Variants in RPTOR observed in about 807,000 individuals in gnomAD.
RPTOR encodes regulatory associated protein of MTOR complex 1.
In RPTOR, 21 loss-of-function variants were observed where a neutral mutation model predicts 169.9. The observed-to-expected ratio is 0.12, with a 90% CI of 0.09 to 0.18. The LOEUF (loss-of-function observed/expected upper bound fraction) is 0.18. RPTOR is among the 10% of genes least tolerant of loss of function. RPTOR has a pLI of 1.00. For synonymous variants in RPTOR, 732 were observed against 753.2 expected (o/e 0.97, Z 0.46); for missense variants, 1,133 against 1,855.9 (o/e 0.61, Z 7.16).
chr17:80,848,317 T>C (rs903014386), intron 11 of RPTOR, among the ~76,000 whole-genome samples: 3 of 152,218 alleles, frequency 2.0e-5, no homozygotes, highest in Non-Finnish European at 2.9e-5. Flanking sequence ...TTTCACAGTA[T>C]ATATTTCTGC....
intron 25 of RPTOR, among the ~76,000 whole-genome samples, chr17:80,943,850 C>G (rs959568819): frequency 8.5e-5 from 13 of 152,230 alleles, no homozygotes; most frequent in Non-Finnish European, 5.9e-5. Flanking sequence ...CGGTGTCTCT[C>G]TGCACCACCT....
chr17:80,862,170 C>G (rs918168774), intron 13 of RPTOR, among the ~76,000 whole-genome samples: 3 of 152,136 alleles, frequency 2.0e-5, no homozygotes, highest in African/African-American at 7.2e-5. Context: ...CATGCCCTTG[C>G]CTGCAGTGTT....
At chr17:80,792,697 G>A (rs2067061059) in intron 7 of RPTOR, among the ~76,000 whole-genome samples, 1 of 152,060 alleles carries the variant, frequency 6.6e-6, no homozygotes, top group Non-Finnish European at 1.5e-5. Context: ...AAAAAAAAAT[G>A]GGACTAGATG....
chr17:80,681,678 GCTTCATGAGGTGTACGTCTCTTACAC>G (rs1425034528), intron 3 of RPTOR, among the ~76,000 whole-genome samples: 1 of 18,842 alleles, frequency 5.3e-5, no homozygotes, highest in East Asian at 1.1e-3. Flanking sequence ...GTCTCTTACA[GCTTCATGAGGTGTACGTCTCTTACAC>G]CTTCATGAGG....
intron 21 of RPTOR, among the ~76,000 whole-genome samples, chr17:80,911,230 G>A (rs768195561): frequency 1.8e-4 from 27 of 152,232 alleles, no homozygotes; most frequent in Middle Eastern, 3.4e-3. Context: ...CTCCTGCAGC[G>A]GACTCTGCCA....
At chr17:80,749,805 T>G (rs2066613996) in intron 5 of RPTOR, among the ~76,000 whole-genome samples, 1 of 152,196 alleles carries the variant, frequency 6.6e-6, no homozygotes, top group Non-Finnish European at 1.5e-5. Context: ...CTTGAACTCC[T>G]GAGCCCAAGG....
intron 1 of RPTOR, among the ~76,000 whole-genome samples, chr17:80,616,375 C>T (rs1401006997): frequency 6.9e-6 from 1 of 145,946 alleles, no homozygotes; most frequent in Non-Finnish European, 1.5e-5. Context: ...GATCTCAGCC[C>T]ACTGCAACCT....
intron 11 of RPTOR, among the ~76,000 whole-genome samples, chr17:80,849,277 C>A (rs1031877833): frequency 1.3e-5 from 2 of 152,190 alleles, no homozygotes; most frequent in Non-Finnish European, 1.5e-5. Context: ...TTCCGGTTTT[C>A]CGAATCCCTG....
At chr17:80,608,576 G>A (rs909002837) in intron 1 of RPTOR, among the ~76,000 whole-genome samples, 1 of 152,198 alleles carries the variant, frequency 6.6e-6, no homozygotes, top group Non-Finnish European at 1.5e-5. Context: ...GAGGTTAACG[G>A]ACGTGACTGA....
intron 5 of RPTOR, among the ~76,000 whole-genome samples, chr17:80,731,148 G>A (rs558438851): frequency 4.7e-4 from 71 of 152,246 alleles, no homozygotes; most frequent in South Asian, 1.0e-3. Context: ...AAAGTTCTGG[G>A]ATTACAGGCT....
chr17:80,625,636 CAT>C, intron 1 of RPTOR, 53 bp from the exon 2 acceptor site: 2 of 1,344,102 alleles, frequency 1.5e-6, no homozygotes, highest in South Asian at 1.2e-5. Context: ...TGGAAAAACA[CAT>C]AAACGAGTTC....
chr17:80,801,920 C>T (rs917190449), intron 7 of RPTOR: 6 of 152,216 alleles, frequency 3.9e-5, no homozygotes, highest in African/African-American at 1.4e-4. Flanking sequence ...CGCCAGGGCG[C>T]ACGGTGCTGC....
intron 5 of RPTOR, among the ~76,000 whole-genome samples, chr17:80,753,291 C>T (rs964711344): frequency 1.3e-5 from 2 of 152,188 alleles, no homozygotes; most frequent in African/African-American, 4.8e-5. Context: ...ATAACCTGAA[C>T]GTCTTCCCAT....
chr17:80,798,830 C>T (rs1355881708), intron 7 of RPTOR, among the ~76,000 whole-genome samples: 5 of 152,182 alleles, frequency 3.3e-5, no homozygotes, highest in African/African-American at 4.8e-5. Flanking sequence ...AACGTTTGTG[C>T]ATTATTGGCA....
intron 7 of RPTOR, among the ~76,000 whole-genome samples, chr17:80,793,150 C>T (rs2143501516): frequency 6.6e-6 from 1 of 152,308 alleles, no homozygotes; most frequent in South Asian, 2.1e-4. Context: ...TGATGTGCTA[C>T]TCAGAAACAA....
chr17:80,643,706 C>T (rs1405810633), intron 2 of RPTOR, 22 bp from the exon 3 acceptor site: 3 of 1,597,272 alleles, frequency 1.9e-6, no homozygotes, highest in South Asian at 1.1e-5. Flanking sequence ...AAAGAACTTT[C>T]TCTTTTCCAT....
chr17:80,885,300 T>G, intron 17 of RPTOR, 152 bp downstream of exon 17: 1 of 1,041,908 alleles, frequency 9.6e-7, no homozygotes, highest in Non-Finnish European at 1.3e-6. Flanking sequence ...TTTCATTCTC[T>G]TCAAGTTGCG....
At chr17:80,795,560 T>C (rs1488785396) in intron 7 of RPTOR, among the ~76,000 whole-genome samples, 2 of 151,370 alleles carry the variant, frequency 1.3e-5, no homozygotes, top group East Asian at 2.0e-4. Context: ...ATGCTAAAGG[T>C]TTATTTTTTT....
chr17:80,880,870 G>A (rs2068179499), intron 14 of RPTOR, among the ~76,000 whole-genome samples: 1 of 152,146 alleles, frequency 6.6e-6, no homozygotes, highest in South Asian at 2.1e-4. Context: ...CGCCTGGGAA[G>A]GTCTTGGAGC....
Sources: allele counts gnomAD v4.1 joint callset (sites outside exome capture counted in the v4.1 genomes callset), GRCh38; gene constraint gnomAD v4.1.1; transcripts MANE v1.5; gene names NCBI Gene and HGNC (gene_info 2026-07-23, HGNC 2026-07-21).